The following DOCK2 variants were observed in gnomAD, a reference collection of about 807,000 sequenced individuals.
The protein encoded by DOCK2 is dedicator of cytokinesis 2.
In DOCK2, 87 loss-of-function variants were observed where a neutral mutation model predicts 248.9. The ratio of observed to expected loss-of-function variants is 0.35; its 90% confidence interval spans 0.29 to 0.42. DOCK2 has a LOEUF of 0.42. Ranked by LOEUF, DOCK2 falls within the 10% of genes least tolerant of loss-of-function variation. The pLI is 1.00. For synonymous variants in DOCK2, 805 were observed against 821.6 expected, an observed-to-expected ratio of 0.98 and a Z score of 0.35; for missense variants, 1,747 against 2,300.2, an observed-to-expected ratio of 0.76 and a Z score of 4.92.
intron 27 of DOCK2, among the ~76,000 whole-genome samples, chr5:169,969,166 C>T (rs542721036): frequency 5.9e-5 from 9 of 151,654 alleles, no homozygotes; most frequent in East Asian, 5.8e-4. Context: ...AAAAAATGGC[C>T]GGGGGTGGTG....
chr5:169,823,941 A>G (rs1180837114), intron 26 of DOCK2, among the ~76,000 whole-genome samples: 1 of 152,260 alleles, frequency 6.6e-6, no homozygotes. Context: ...TACAAAATCA[A>G]TGTGCAAAAA....
chr5:170,036,215 C>T (rs185727167), intron 35 of DOCK2, among the ~76,000 whole-genome samples: 2 of 152,228 alleles, frequency 1.3e-5, no homozygotes, highest in Admixed American at 1.3e-4. Context: ...GTCTTGGCAG[C>T]CCACCTCTCA....
In DOCK2 at chr5:169,888,894, A is replaced by G. The variant is rs377584552; in HGVS notation, c.2799+48042A>G. ...AGTAAACTGTAGGTGCATTCATGGG[A>G]AGGAATGTACAAAGATGGCATTCCT... On this transcript the variant is annotated intron_variant, in intron 27 of 51. Coordinates refer to ENST00000520908, the MANE Select transcript of DOCK2 (RefSeq NM_004946.3). Among the ~76,000 whole-genome samples, 202 of 152,256 alleles carry G rather than the reference A, an allele frequency of 1.3e-3. 5 individuals carry two copies. In the South Asian group the frequency reaches 0.04, roughly 30 times the overall value.
At chr5:170,039,812 C>T (rs190394445) in intron 36 of DOCK2, among the ~76,000 whole-genome samples, 65 of 152,316 alleles carry the variant, frequency 4.3e-4, no homozygotes, top group Admixed American at 3.1e-3. Context: ...GACAGTGGGT[C>T]AGGGTAGAAT....
rs374331762 is a variant in DOCK2 at position 169,716,321 on chromosome 5, G to T, written c.2031+19G>T. On this transcript the variant is annotated intron_variant, in intron 20 of 51. Coordinates refer to ENST00000520908, the MANE Select transcript of DOCK2 (RefSeq NM_004946.3). The stretch of plus-strand genomic sequence containing the variant: ...TGCCTTGGTAAGAGAGAGGGGAAAA[G>T]TGTCTAGTGACAACAGGCATTAATG... 48 of 1,611,082 alleles carry T rather than the reference G, an allele frequency of 3.0e-5. No individual in the cohort carries two copies. The South Asian group carries it at 5.2e-4, about 17-fold the overall frequency.
chr5:169,695,518 T>C (rs1760565580), intron 9 of DOCK2, among the ~76,000 whole-genome samples: 1 of 152,216 alleles, frequency 6.6e-6, no homozygotes, highest in African/African-American at 2.4e-5. Flanking sequence ...GTACAGCTGA[T>C]ATTCCACCTC....
chr5:169,674,343 A>T lies in DOCK2; in HGVS notation c.368A>T (p.Asp123Val), dbSNP rs1335764278. The T allele has an allele frequency of 6.2e-7, 1 of 1,614,136 alleles. No homozygotes were observed. The highest frequency in any genetic ancestry group is 1.1e-5 in the South Asian group (1 of 91,084). ...RFLQVQSMMY[D>V]LMEWRSQLLS... ...CTCCAGGTGCAGTCCATGATGTACG[A>T]TCTGATGGAGTGGAGGTCCCAGCTT... Residue 123 changes from aspartate to valine, a missense_variant, in exon 6 of 52, where the codon GAT (aspartate) becomes GTT (valine). Transcript: ENST00000520908.
In DOCK2 at chr5:169,921,308, A is replaced by G. The variant is rs111612167; in HGVS notation, c.2800-61760A>G. 2.6e-3 allele frequency among the ~76,000 whole-genome samples: 399 copies of G among 152,358 alleles called. 1 individual carries two copies. Among genetic ancestry groups the G allele is most frequent in the African/African-American group, 8.9e-3 (372 of 41,582 alleles). On this transcript the variant is annotated intron_variant, in intron 27 of 51. Transcript: ENST00000520908. Reference sequence around the variant, plus strand: ...TATTATATAGGAAATCTCATAATCTATATAGGAATAGGAAATCTGTATAAT... The same window carrying G: ...TATTATATAGGAAATCTCATAATCTGTATAGGAATAGGAAATCTGTATAAT...
At chr5:169,680,845 A>C (rs1248391543) in intron 6 of DOCK2, among the ~76,000 whole-genome samples, 4 of 152,094 alleles carry the variant, frequency 2.6e-5, no homozygotes, top group Non-Finnish European at 1.5e-5. Context: ...TCCTTTTTTC[A>C]TTCAGAGCTT....
At chr5:169,917,842 C>G (rs1774959543) in intron 27 of DOCK2, among the ~76,000 whole-genome samples, 1 of 152,170 alleles carries the variant, frequency 6.6e-6, no homozygotes, top group Non-Finnish European at 1.5e-5. Context: ...AGTTATTGTG[C>G]TAAAGCTGGT....
At chr5:169,746,759 T>C (rs1176828441) in intron 22 of DOCK2, among the ~76,000 whole-genome samples, 2 of 152,206 alleles carry the variant, frequency 1.3e-5, no homozygotes, top group African/African-American at 4.8e-5. Context: ...CCTAGAAGGA[T>C]ACCCATTAAA....
At chr5:169,903,942 A>G (rs1466951807) in intron 27 of DOCK2, among the ~76,000 whole-genome samples, 1 of 152,100 alleles carries the variant, frequency 6.6e-6, no homozygotes, top group African/African-American at 2.4e-5. Flanking sequence ...TCTACAAAAA[A>G]TACAAAAATT....
chr5:169,816,087 G>C (rs1186570890), intron 26 of DOCK2, among the ~76,000 whole-genome samples: 1 of 152,206 alleles, frequency 6.6e-6, no homozygotes, highest in Non-Finnish European at 1.5e-5. Context: ...CTCAGCAGCA[G>C]ATAAATATAG....
intron 27 of DOCK2, among the ~76,000 whole-genome samples, chr5:169,943,448 T>C (rs1225401678): frequency 6.6e-6 from 1 of 152,184 alleles, no homozygotes; most frequent in African/African-American, 2.4e-5. Context: ...CTTTCTAACA[T>C]TTAAACTCTA....
At chr5:170,067,800 C>T in intron 45 of DOCK2, 114 bp downstream of exon 45, 1 of 1,205,620 alleles carries the variant, frequency 8.3e-7, no homozygotes, top group East Asian at 2.4e-5. Context: ...CTGTCCTTGT[C>T]CCCAGAGGGA....
intron 49 of DOCK2, 59 bp downstream of exon 49, chr5:170,079,205 G>T: frequency 1.9e-6 from 3 of 1,567,982 alleles, no homozygotes; most frequent in South Asian, 2.3e-5. Flanking sequence ...ACTACATGCT[G>T]GGCACAAAAC....
intron 6 of DOCK2, among the ~76,000 whole-genome samples, chr5:169,677,226 T>G (rs1404573332): frequency 6.6e-6 from 1 of 152,192 alleles, no homozygotes; most frequent in East Asian, 1.9e-4. Context: ...AACACACTCT[T>G]GTCAAACTCC....
Position 169,938,854 on chromosome 5 carries a change from ATT to A in DOCK2, c.2800-44211_2800-44210del, listed in dbSNP as rs936469326. Among the ~76,000 whole-genome samples, 126 of 151,208 alleles carry A rather than the reference ATT, an allele frequency of 8.3e-4. 1 individual carries two copies. Among genetic ancestry groups the A allele is most frequent in the African/African-American group, 2.9e-3 (118 of 41,270 alleles). ...AAATATTGTATAACTGTGCAAAAAT[ATT>A]TTCTTTCTTCATATCCTTATTCTAC... On this transcript the variant is annotated intron_variant, in intron 27 of 51. Transcript: ENST00000520908.
intron 44 of DOCK2, among the ~76,000 whole-genome samples, chr5:170,066,814 G>T (rs896108365): frequency 1.1e-4 from 17 of 152,252 alleles, no homozygotes; most frequent in Admixed American, 1.0e-3. Context: ...AGGTGCTTTT[G>T]CCCTACAATA....
Sources: gnomAD v4.1 joint callset for allele counts (sites outside exome capture counted in the v4.1 genomes callset) on GRCh38, gnomAD v4.1.1 for gene constraint, MANE v1.5 for transcripts, NCBI Gene and HGNC (gene_info 2026-07-23, HGNC 2026-07-21) for gene names.